The following CFAP54 variants were observed in gnomAD, a reference collection of about 807,000 sequenced individuals.
The protein encoded by CFAP54 is cilia and flagella associated protein 54.
In CFAP54, 290 loss-of-function variants were observed where a neutral mutation model predicts 370.4. The ratio of observed to expected loss-of-function variants is 0.78; its 90% confidence interval spans 0.71 to 0.86. CFAP54 has a LOEUF of 0.86. Among genes scored for constraint, CFAP54 ranks in the 40% least tolerant of loss-of-function variants. The pLI, the probability that CFAP54 is intolerant of heterozygous loss-of-function variation, is 0.00. For synonymous variants in CFAP54, 1,206 were observed against 1,236.5 expected (o/e 0.98, Z 0.52); for missense variants, 3,399 against 3,528.7 (o/e 0.96, Z 0.93).
intron 26 of CFAP54, among the ~76,000 whole-genome samples, chr12:96,600,038 C>T (rs1477236153): frequency 6.6e-6 from 1 of 152,130 alleles, no homozygotes; most frequent in Non-Finnish European, 1.5e-5. Flanking sequence ...GCTTTTGTTG[C>T]CATTGCTTTT....
At chr12:96,723,566 GAGT>G (rs1394366085) in intron 50 of CFAP54, among the ~76,000 whole-genome samples, 1 of 152,134 alleles carries the variant, frequency 6.6e-6, no homozygotes, top group Non-Finnish European at 1.5e-5. Context: ...ACCTTCACAG[GAGT>G]AACTTTAGAA....
In CFAP54 at chr12:96,700,008, C is replaced by G. The variant is rs774295685; in HGVS notation, c.6389C>G (p.Ala2130Gly). Reference sequence around the variant, plus strand: ...ATAGATTTGAGATTCTTTTCTGAAGCCTTTTATGAGATATCCCAAATTTTC... The same window carrying G: ...ATAGATTTGAGATTCTTTTCTGAAGGCTTTTATGAGATATCCCAAATTTTC... ...VLIDLRFFSEAFYEISQIFYG... is the reference protein window; with the variant it reads ...VLIDLRFFSEGFYEISQIFYG... Residue 2130 changes from alanine to glycine, a missense_variant, in exon 46 of 68, where the codon GCC (alanine) becomes GGC (glycine). By Grantham distance (60) the Ala-to-Gly change is moderately conservative (BLOSUM62 0). Transcript: ENST00000524981. 3.1e-6 allele frequency: 5 copies of G among 1,595,300 alleles called. No individual in the cohort carries two copies. The highest frequency in any genetic ancestry group is 3.4e-5 in the Admixed American group (2 of 59,268).
intron 60 of CFAP54, among the ~76,000 whole-genome samples, chr12:96,768,676 A>G (rs1219200518): frequency 6.6e-6 from 1 of 152,026 alleles, no homozygotes; most frequent in African/African-American, 2.4e-5. Context: ...AAACAAAGCA[A>G]AATAAAACAA....
chr12:96,616,519 A>G (rs1956419988), intron 26 of CFAP54, among the ~76,000 whole-genome samples: 1 of 149,040 alleles, frequency 6.7e-6, no homozygotes, highest in African/African-American at 2.6e-5. Context: ...AAAAAGAAAA[A>G]GATAAACAGA....
Position 96,622,813 on chromosome 12 carries a change from CTT to C in CFAP54, c.3772-951_3772-950del, listed in dbSNP as rs887952205. On this transcript the variant is annotated intron_variant, in intron 27 of 67. Transcript: ENST00000524981. ...AGTAAGCATTTGTTTGCCAAAAAAA[CTT>C]TTAAAAATCACCACTGTTTTACTGG... Among the ~76,000 whole-genome samples, 20 of 152,236 alleles carry C rather than the reference CTT, an allele frequency of 1.3e-4. 1 individual carries two copies. Among genetic ancestry groups the C allele is most frequent in the Admixed American group, 3.3e-4 (5 of 15,294 alleles).
At position 96,554,686 on chromosome 12, in the gene CFAP54, A is replaced by G. The variant is rs772488985; in HGVS notation, c.2294A>G (p.His765Arg). Residue 765 changes from histidine (H) to arginine (R), a missense_variant, in exon 17 of 68, where the codon CAT (histidine) becomes CGT (arginine). Physicochemically the swap from His to Arg is conservative, Grantham distance 29. Transcript: ENST00000524981. ...IDHCYAKRTHHIDGDTYKPLA... is the reference protein window; with the variant it reads ...IDHCYAKRTHRIDGDTYKPLA... ...TCTGTTGGACCAAAGCGTACCCACC[A>G]TATAGATGGAGATACTTACAAACCA... is the stretch of plus-strand genomic sequence containing the variant. 4.1e-4 allele frequency: 631 copies of G among 1,533,256 alleles called. No individual in the cohort carries two copies. Among genetic ancestry groups the G allele is most frequent in the Admixed American group, 8.5e-4 (43 of 50,768 alleles). 95.0% of individuals were successfully genotyped at this position (1,533,256 alleles called of 1,614,324 possible).
At chr12:96,584,184 C>G (rs1304000601) in intron 22 of CFAP54, among the ~76,000 whole-genome samples, 2 of 151,770 alleles carry the variant, frequency 1.3e-5, no homozygotes, top group East Asian at 3.9e-4. Context: ...AAAAAATAGG[C>G]CCAGTGTAGT....
chr12:96,625,393 T>G (rs1002621191), intron 28 of CFAP54, among the ~76,000 whole-genome samples: 1 of 152,186 alleles, frequency 6.6e-6, no homozygotes, highest in African/African-American at 2.4e-5. Flanking sequence ...ATGGGGTAAA[T>G]GTAATTGGTA....
intron 19 of CFAP54, among the ~76,000 whole-genome samples, chr12:96,574,648 T>C (rs931168706): frequency 6.6e-6 from 1 of 152,174 alleles, no homozygotes; most frequent in Non-Finnish European, 1.5e-5. Context: ...ATTTAATTTA[T>C]GGATATATTA....
At chr12:96,858,805 A>G (rs1250921404) in intron 66 of CFAP54, among the ~76,000 whole-genome samples, 1 of 152,224 alleles carries the variant, frequency 6.6e-6, no homozygotes, top group Non-Finnish European at 1.5e-5. Flanking sequence ...TATCATTAAA[A>G]TGGCCATACT....
At chr12:96,762,033 T>A (rs1958345347) in intron 58 of CFAP54, among the ~76,000 whole-genome samples, 1 of 152,192 alleles carries the variant, frequency 6.6e-6, no homozygotes, top group African/African-American at 2.4e-5. Context: ...ACTAAGGAGA[T>A]TTTTGTTGCC....
chr12:96,580,787 A>G (rs1956025282), intron 21 of CFAP54, 98 bp downstream of exon 21: 2 of 1,110,748 alleles, frequency 1.8e-6, no homozygotes, highest in Non-Finnish European at 2.4e-6. Context: ...TCTAATTTCC[A>G]CCTGAATCAT....
chr12:96,609,408 TAATAAATTAGG>T (rs1176914800), intron 26 of CFAP54, among the ~76,000 whole-genome samples: 1 of 152,202 alleles, frequency 6.6e-6, no homozygotes, highest in Non-Finnish European at 1.5e-5. Context: ...ATAAAATTTC[TAATAAATTAGG>T]AAAGGAAAGA....
chr12:96,589,365 T>A lies in CFAP54; in HGVS notation c.3076-62T>A, dbSNP rs189829985. 7.1e-5 allele frequency: 91 copies of A among 1,284,394 alleles called. 1 individual carries two copies. The highest frequency in any genetic ancestry group is 5.6e-5 in the Non-Finnish European group (52 of 930,364). 79.6% of individuals were successfully genotyped at this position (1,284,394 alleles called of 1,614,324 possible). ...GTCATAGATTGTATATTTTAAGAAT[T>A]ATTGTTTAAAACATTCATTCACGAA... On this transcript the variant is annotated intron_variant, in intron 22 of 67. Coordinates refer to ENST00000524981, the MANE Select transcript of CFAP54 (RefSeq NM_001306084.2).
At chr12:96,511,372 G>T (rs1955165024) in intron 4 of CFAP54, among the ~76,000 whole-genome samples, 1 of 152,156 alleles carries the variant, frequency 6.6e-6, no homozygotes, top group African/African-American at 2.4e-5. Flanking sequence ...AGGCTGCAGT[G>T]CAATGGCGCA....
At chr12:96,844,933 A>G (rs1243082517) in intron 66 of CFAP54, among the ~76,000 whole-genome samples, 1 of 152,188 alleles carries the variant, frequency 6.6e-6, no homozygotes, top group Non-Finnish European at 1.5e-5. Flanking sequence ...ATGCTTTTCT[A>G]GCTTCAACTT....
At chr12:96,831,489 G>A (rs1005065129) in intron 66 of CFAP54, among the ~76,000 whole-genome samples, 1 of 152,114 alleles carries the variant, frequency 6.6e-6, no homozygotes, top group African/African-American at 2.4e-5. Flanking sequence ...GGTAATTTTG[G>A]CAGAGACTGT....
chr12:96,554,115 A>C, intron 15 of CFAP54, 67 bp from the exon 16 acceptor site: 1 of 1,036,154 alleles, frequency 9.7e-7, no homozygotes, highest in Non-Finnish European at 1.4e-6. Flanking sequence ...TATTGTCAAA[A>C]ATTGGAAGTG....
intron 33 of CFAP54, chr12:96,645,330 G>T: frequency 9.1e-6 from 3 of 329,020 alleles, no homozygotes; most frequent in South Asian, 5.0e-5. Flanking sequence ...GCCAAATCAT[G>T]AGTGAACTCC....
Sources: gnomAD v4.1 joint callset for allele counts (sites outside exome capture counted in the v4.1 genomes callset) on GRCh38, gnomAD v4.1.1 for gene constraint, MANE v1.5 for transcripts, NCBI Gene and HGNC (gene_info 2026-07-23, HGNC 2026-07-21) for gene names.